PLCB4: variants seen among roughly 807,000 people sequenced by gnomAD.
PLCB4 encodes phospholipase C beta 4.
PLCB4 carries 77 observed loss-of-function variants against 178.8 expected under a neutral mutation model. The observed-to-expected ratio is 0.43, with a 90% CI of 0.36 to 0.52. PLCB4 has a LOEUF of 0.52. Among genes scored for constraint, PLCB4 ranks in the 20% least tolerant of loss-of-function variants. The pLI is 0.00. For synonymous variants in PLCB4, 496 were observed against 490.8 expected (o/e 1.01, Z -0.14); for missense variants, 1,024 against 1,453.4 (o/e 0.70, Z 4.80).
chr20:9,319,999 C>T (rs140141129), intron 4 of PLCB4, among the ~76,000 whole-genome samples: 1 of 152,076 alleles, frequency 6.6e-6, no homozygotes, highest in Non-Finnish European at 1.5e-5. Flanking sequence ...CTGATCTAGA[C>T]CCTAAGAGAG....
intron 3 of PLCB4, among the ~76,000 whole-genome samples, chr20:9,270,165 G>A (rs182899522): frequency 6.6e-6 from 1 of 152,262 alleles, no homozygotes; most frequent in South Asian, 2.1e-4. Context: ...ACTAAATGGT[G>A]AATTAAAGTT....
intron 38 of PLCB4, among the ~76,000 whole-genome samples, chr20:9,475,658 C>A (rs2044494134): frequency 6.6e-6 from 1 of 152,162 alleles, no homozygotes; most frequent in Admixed American, 6.5e-5. Flanking sequence ...CTGTGTTAAG[C>A]TTTGCTTTAG....
chr20:9,403,286 T>C (rs1602412242), intron 20 of PLCB4, among the ~76,000 whole-genome samples: 1 of 152,246 alleles, frequency 6.6e-6, no homozygotes, highest in Middle Eastern at 3.4e-3. Flanking sequence ...CTGAGATGAT[T>C]CACAAGGAAA....
At chr20:9,079,751 T>C (rs1277167682) in intron 1 of PLCB4, among the ~76,000 whole-genome samples, 1 of 152,144 alleles carries the variant, frequency 6.6e-6, no homozygotes, top group African/African-American at 2.4e-5. Flanking sequence ...GAAATTGAAA[T>C]TGAAATTGGG....
chr20:9,327,177 G>A (rs2030745377), intron 4 of PLCB4, among the ~76,000 whole-genome samples: 2 of 152,120 alleles, frequency 1.3e-5, no homozygotes, highest in South Asian at 4.1e-4. Context: ...AGTGGCTCAT[G>A]CTTATGATCC....
chr20:9,122,735 A>G (rs2091999802), intron 2 of PLCB4, among the ~76,000 whole-genome samples: 1 of 152,204 alleles, frequency 6.6e-6, no homozygotes, highest in Non-Finnish European at 1.5e-5. Flanking sequence ...TTTGGAGACT[A>G]AAGCATTTAC....
intron 4 of PLCB4, among the ~76,000 whole-genome samples, chr20:9,334,421 A>G (rs2148042810): frequency 6.6e-6 from 1 of 152,284 alleles, no homozygotes; most frequent in East Asian, 1.9e-4. Context: ...GATCAGGGAC[A>G]TGGGGTAGTA....
At position 9,075,515 on chromosome 20, in the gene PLCB4, C is replaced by G. The variant is rs143919494; in HGVS notation, c.-135+6309C>G. On this transcript the variant is annotated intron_variant, in intron 1 of 39. Transcript: ENST00000378473. ...AAATAGTTTTAGTTTTCTGGAAGGC[C>G]GGTTTTTACCTGGTGAAGTTCCTCA... Among the ~76,000 whole-genome samples, 549 of 152,264 alleles carry G rather than the reference C, an allele frequency of 3.6e-3. 5 individuals carry two copies. Among genetic ancestry groups the G allele is most frequent in the African/African-American group, 0.013 (533 of 41,562 alleles).
chr20:9,232,269 A>G (rs1373442776), intron 3 of PLCB4, among the ~76,000 whole-genome samples: 1 of 152,176 alleles, frequency 6.6e-6, no homozygotes, highest in Non-Finnish European at 1.5e-5. Flanking sequence ...TATTGCATAT[A>G]GCACATACCT....
intron 3 of PLCB4, among the ~76,000 whole-genome samples, chr20:9,258,964 G>A (rs548501899): frequency 1.3e-5 from 2 of 152,172 alleles, no homozygotes; most frequent in South Asian, 2.1e-4. Flanking sequence ...TATGGGTTTC[G>A]AGACCAGGTG....
At chr20:9,211,530 A>AC (rs2093672971) in intron 2 of PLCB4, among the ~76,000 whole-genome samples, 2 of 152,270 alleles carry the variant, frequency 1.3e-5, no homozygotes, top group African/African-American at 4.8e-5. Context: ...GCATTGTCCT[A>AC]CCCCACTAGG....
Position 9,186,753 on chromosome 20 carries a change from T to C in PLCB4, c.-78-30637T>C, listed in dbSNP as rs550756243. Reference sequence around the variant, plus strand: ...GCAGGTGCCTTCTACTTCTAGCTAGTTATCTTGTGCTTCTCTTCCCAGCCT... The same window carrying C: ...GCAGGTGCCTTCTACTTCTAGCTAGCTATCTTGTGCTTCTCTTCCCAGCCT... On this transcript the variant is annotated intron_variant, in intron 2 of 39. Transcript: ENST00000378473. Among the ~76,000 whole-genome samples, 5 of 152,212 alleles carry C rather than the reference T, an allele frequency of 3.3e-5. No homozygotes were observed. In the South Asian group the frequency reaches 1.0e-3, roughly 32 times the overall value.
intron 36 of PLCB4, among the ~76,000 whole-genome samples, chr20:9,470,207 T>C (rs1335461172): frequency 6.6e-6 from 1 of 152,050 alleles, no homozygotes; most frequent in Non-Finnish European, 1.5e-5. Flanking sequence ...GGTACCTGCC[T>C]GTAATCCCAG....
chr20:9,245,655 C>T (rs1248503850), intron 3 of PLCB4, among the ~76,000 whole-genome samples: 1 of 151,884 alleles, frequency 6.6e-6, no homozygotes, highest in East Asian at 1.9e-4. Context: ...CCCCTAGAAC[C>T]TCTGTAGGGA....
At chr20:9,256,950 T>A (rs1457581371) in intron 3 of PLCB4, among the ~76,000 whole-genome samples, 1 of 152,302 alleles carries the variant, frequency 6.6e-6, no homozygotes, top group East Asian at 1.9e-4. Context: ...AACTTGCACA[T>A]TGAGGTTTGT....
At chr20:9,240,906 G>A (rs560081311) in intron 3 of PLCB4, among the ~76,000 whole-genome samples, 7 of 152,202 alleles carry the variant, frequency 4.6e-5, no homozygotes, top group African/African-American at 1.4e-4. Flanking sequence ...ATGGATCATG[G>A]TACACACCAG....
chr20:9,089,339 T>C (rs1055997607), intron 1 of PLCB4, among the ~76,000 whole-genome samples: 2 of 152,032 alleles, frequency 1.3e-5, no homozygotes, highest in African/African-American at 2.4e-5. Context: ...AAAAATAACT[T>C]TGGTACTTAT....
intron 19 of PLCB4, among the ~76,000 whole-genome samples, chr20:9,399,901 G>A (rs904475591): frequency 2.6e-5 from 4 of 152,188 alleles, no homozygotes; most frequent in African/African-American, 9.7e-5. Context: ...CCTAGTCCTG[G>A]AAGAACTATG....
rs34678819 is a variant in PLCB4 at position 9,437,064 on chromosome 20, C to T, written c.2676C>T (p.Thr892=). 3.9e-3 allele frequency: 6,294 copies of T among 1,613,912 alleles called. 189 individuals carry two copies. In the African/African-American group the frequency reaches 0.073, roughly 19 times the overall value. The part of the protein sequence containing the change: ...SKNDKKGKAN[T]AKANVTPQSS... ...ATGACAAGAAAGGAAAGGCCAACAC[C>T]GCCAAAGCAAATGTGACCCCTCAGA... Residue 892 remains threonine (T), a synonymous_variant, in exon 30 of 40, where the codon ACC becomes ACT. Coordinates refer to ENST00000378473, the MANE Select transcript of PLCB4 (RefSeq NM_001377142.1).
Sources: gnomAD v4.1 joint callset for allele counts (sites outside exome capture counted in the v4.1 genomes callset) on GRCh38, gnomAD v4.1.1 for gene constraint, MANE v1.5 for transcripts, NCBI Gene and HGNC (gene_info 2026-07-23, HGNC 2026-07-21) for gene names.